Variants in MAP7D1 observed in about 807,000 individuals in gnomAD.
MAP7D1 encodes MAP7 domain-containing protein 1.
Under a neutral mutation model 97.5 loss-of-function variants are expected in MAP7D1, and 30 were observed. That is an observed-to-expected ratio of 0.31 (90% CI 0.23 to 0.42). MAP7D1 has a LOEUF of 0.42. MAP7D1 is among the 10% of genes least tolerant of loss of function. The pLI, the probability that MAP7D1 is intolerant of heterozygous loss-of-function variation, is 1.00. For missense variants in MAP7D1, 1,184 were observed against 1,179.5 expected, an observed-to-expected ratio of 1.00 and a Z score of -0.06; for synonymous variants, 536 against 477.1, an observed-to-expected ratio of 1.12 and a Z score of -1.61.
At chr1:36,157,671 C>A (rs1035637367) in intron 1 of MAP7D1, among the ~76,000 whole-genome samples, 3 of 152,226 alleles carry the variant, frequency 2.0e-5, no homozygotes, top group Admixed American at 1.3e-4. Flanking sequence ...ATCCTGTCAC[C>A]TCCCTGCCCC....
rs1237751529 is a variant in MAP7D1 at position 36,179,247 on chromosome 1, G to T, written c.2131-15G>T. ...GGCGGGGCTCGAGCCTAACTGATCT[G>T]CGGCCTCCAAACAGCGTCTGGAGGA... is the stretch of plus-strand genomic sequence containing the variant. On this transcript the variant is annotated splice_polypyrimidine_tract_variant and intron_variant, in intron 12 of 16. Coordinates refer to ENST00000474796, the MANE Select transcript of MAP7D1 (RefSeq NM_001388490.1). The T allele has an allele frequency of 1.9e-6, 3 of 1,613,806 alleles. 1 individual carries two copies. The highest frequency in any genetic ancestry group is 2.2e-5 in the South Asian group (2 of 91,056).
At chr1:36,174,036 G>A (rs1644583604) in intron 5 of MAP7D1, among the ~76,000 whole-genome samples, 1 of 152,180 alleles carries the variant, frequency 6.6e-6, no homozygotes, top group Non-Finnish European at 1.5e-5. Flanking sequence ...TTGTGACCTT[G>A]TGTACCTCAG....
At position 36,178,790 on chromosome 1, in the gene MAP7D1, C is replaced by A; in HGVS notation, c.1992C>A (p.Ala664=). ...AGGAGGCACGAGAGAAGGCGCAGGC[C>A]GAGCAGGAGGAGCAGGAGCGGCTGC... The part of the protein sequence containing the change: ...EEQEAREKAQ[A]EQEEQERLQK... Residue 664 remains alanine, a synonymous_variant, in exon 11 of 17, where the codon GCC becomes GCA. Transcript: ENST00000474796. 1 of 1,547,362 alleles carries A rather than the reference C, an allele frequency of 6.5e-7. No homozygotes were observed. Among genetic ancestry groups the A allele is most frequent in the East Asian group, 2.5e-5 (1 of 40,778 alleles).
At chr1:36,163,711 C>T (rs115710508) in intron 1 of MAP7D1, among the ~76,000 whole-genome samples, 2,321 of 151,606 alleles carry the variant, frequency 0.015, 70 homozygotes, top group African/African-American at 0.053. Context: ...ACCTGTGTGG[C>T]TTAGTCCAGG....
At chr1:36,165,014 A>T (rs1239720166) in intron 1 of MAP7D1, among the ~76,000 whole-genome samples, 1 of 152,272 alleles carries the variant, frequency 6.6e-6, no homozygotes, top group Non-Finnish European at 1.5e-5. Flanking sequence ...ATATTCTAGC[A>T]GTGGGAGACT....
intron 3 of MAP7D1, 102 bp from the exon 4 acceptor site, chr1:36,172,362 C>T: frequency 7.3e-6 from 9 of 1,232,512 alleles, no homozygotes; most frequent in Non-Finnish European, 9.6e-6. Flanking sequence ...GAAAGACCCA[C>T]CCAGGGCATG....
At chr1:36,173,202 A>G (rs1373738422) in intron 4 of MAP7D1, among the ~76,000 whole-genome samples, 162 bp from the exon 5 acceptor site, 1 of 152,230 alleles carries the variant, frequency 6.6e-6, no homozygotes, top group Non-Finnish European at 1.5e-5. Context: ...GTCCTTAATC[A>G]TAGCAAGGAT....
At position 36,176,464 on chromosome 1, in the gene MAP7D1, G is replaced by A. The variant is rs139644057; in HGVS notation, c.1116G>A (p.Pro372=). Residue 372 remains proline (P), a synonymous_variant, in exon 7 of 17, where the codon CCG becomes CCA. Transcript: ENST00000474796. This position sits in a 1 kb window ranked among gnomAD's most constrained non-coding sequence, Gnocchi z 6.1. ...CGGCCTCCGCCAGCCCCCTGACGCCGTGCAGCGTCACCCGAAGCGTGCACC... is the reference window on the plus strand; with the variant it reads ...CGGCCTCCGCCAGCCCCCTGACGCCATGCAGCGTCACCCGAAGCGTGCACC... ...PRSASASPLT[P]CSVTRSVHRC... The A allele has an allele frequency of 8.7e-3, 12,906 of 1,489,124 alleles. 620 individuals carry two copies. In the East Asian group the frequency reaches 0.16, roughly 19 times the overall value. The allele number at this position is 1,489,124 out of a possible 1,614,324, so 92.2% of individuals were successfully genotyped here.
At chr1:36,160,649 G>A (rs992470102) in intron 1 of MAP7D1, among the ~76,000 whole-genome samples, 4 of 152,238 alleles carry the variant, frequency 2.6e-5, no homozygotes, top group Admixed American at 1.3e-4. Context: ...ACTCAAATCT[G>A]TCTGACTCTG....
chr1:36,168,128 C>G (rs1227531486), intron 1 of MAP7D1, among the ~76,000 whole-genome samples: 1 of 152,058 alleles, frequency 6.6e-6, no homozygotes, highest in East Asian at 1.9e-4. Context: ...AACCCCGTCT[C>G]TACTAAAAAT....
chr1:36,156,449 C>G lies in MAP7D1; in HGVS notation c.32C>G (p.Ala11Gly). Residue 11 changes from alanine to glycine, a missense_variant, in exon 1 of 17, where the codon GCG becomes GGG. By Grantham distance (60) the Ala-to-Gly change is moderately conservative. Coordinates refer to ENST00000474796, the MANE Select transcript of MAP7D1 (RefSeq NM_001388490.1). ...AGCGGCCCGCGTGCGGAGCTGGGGG[C>G]GGGCGCACCCCCAGGTATGCCGGGA... MESGPRAELG[A>G]GAPPAVVART... 6.8e-7 allele frequency: 1 copy of G among 1,471,334 alleles called. No homozygotes were observed. The highest frequency in any genetic ancestry group is 2.5e-5 in the Admixed American group (1 of 39,868). 91.1% of individuals were successfully genotyped at this position (1,471,334 alleles called of 1,614,324 possible). A position where few individuals can be genotyped will look rare whatever the true frequency, so the allele number is the denominator to read the frequency against.
intron 1 of MAP7D1, among the ~76,000 whole-genome samples, chr1:36,166,491 G>A (rs1644476423): frequency 6.6e-6 from 1 of 151,110 alleles, no homozygotes; most frequent in African/African-American, 2.4e-5. Context: ...CCTGGTTCAA[G>A]CAATTCTCCT....
chr1:36,174,860 CG>C (rs369832079), intron 5 of MAP7D1, 37 bp from the exon 6 acceptor site: 31 of 1,357,446 alleles, frequency 2.3e-5, no homozygotes, highest in East Asian at 9.2e-5. Flanking sequence ...TGGCTCCTGC[CG>C]GGCCCGGCCC....
chr1:36,168,852 T>A (rs1043070364), intron 1 of MAP7D1, among the ~76,000 whole-genome samples: 1 of 152,218 alleles, frequency 6.6e-6, no homozygotes, highest in Non-Finnish European at 1.5e-5. Flanking sequence ...ACTGACCAGC[T>A]GAATGATCTC....
intron 2 of MAP7D1, 93 bp from the exon 3 acceptor site, chr1:36,171,420 A>C: frequency 6.4e-7 from 1 of 1,553,228 alleles, no homozygotes; most frequent in Non-Finnish European, 8.8e-7. Context: ...GAGATAAAGA[A>C]AGGATGGGGT....
Position 36,176,140 on chromosome 1 carries a change from C to A in MAP7D1, c.851-59C>A. On this transcript the variant is annotated intron_variant, in intron 6 of 16. Coordinates refer to ENST00000474796, the MANE Select transcript of MAP7D1 (RefSeq NM_001388490.1). This position sits in a 1 kb window ranked among gnomAD's most constrained non-coding sequence, Gnocchi z 6.1. Reference sequence around the variant, plus strand: ...GATGGTGCCTGGTCTGCTCCCTTGCCTCTTCCTGCCTCCTACGGCCCCCAC... The same window carrying A: ...GATGGTGCCTGGTCTGCTCCCTTGCATCTTCCTGCCTCCTACGGCCCCCAC... 1 of 1,578,982 alleles carries A rather than the reference C, an allele frequency of 6.3e-7. No individual in the cohort carries two copies. Among genetic ancestry groups the A allele is most frequent in the Non-Finnish European group, 8.6e-7 (1 of 1,167,464 alleles).
At chr1:36,167,607 C>T (rs1408080059) in intron 1 of MAP7D1, among the ~76,000 whole-genome samples, 1 of 152,206 alleles carries the variant, frequency 6.6e-6, no homozygotes, top group African/African-American at 2.4e-5. Context: ...GTGCCAACAA[C>T]TCCATGAGGG....
chr1:36,179,496 C>T lies in MAP7D1; in HGVS notation c.2185-19C>T. ...GCCGGCTGTCCCTTGAGCCTGACTG[C>T]TCTTCCTCTTCAAAGCAGAAGCAGG... On this transcript the variant is annotated intron_variant, in intron 13 of 16. Transcript: ENST00000474796. The T allele has an allele frequency of 1.3e-6, 2 of 1,579,652 alleles. No homozygotes were observed. Among genetic ancestry groups the T allele is most frequent in the South Asian group, 1.2e-5 (1 of 86,912 alleles).
At chr1:36,179,849 T>C in intron 15 of MAP7D1, 25 bp from the exon 16 acceptor site, 1 of 1,596,982 alleles carries the variant, frequency 6.3e-7, no homozygotes, top group Non-Finnish European at 8.6e-7. Flanking sequence ...GGTGAGGTGC[T>C]GAGCCTTGGC....
Sources: allele counts gnomAD v4.1 joint callset (sites outside exome capture counted in the v4.1 genomes callset), GRCh38; gene constraint gnomAD v4.1.1; non-coding constraint Gnocchi (gnomAD v3.1); transcripts MANE v1.5; gene names NCBI Gene and HGNC (gene_info 2026-07-23, HGNC 2026-07-21).